The following MTCL1 variants were observed in gnomAD, a reference collection of about 807,000 sequenced individuals.
MTCL1 encodes the protein microtubule crosslinking factor 1.
In MTCL1, 79 loss-of-function variants were observed where a neutral mutation model predicts 141.4. The observed-to-expected ratio is 0.56, with a 90% CI of 0.47 to 0.67. The LOEUF (loss-of-function observed/expected upper bound fraction) is 0.67, where lower values mean the gene tolerates loss of function less well. MTCL1 is among the 30% of genes least tolerant of loss of function. MTCL1 has a pLI of 0.00. For missense variants in MTCL1, 2,177 were observed against 2,113.9 expected (o/e 1.03, Z -0.59); for synonymous variants, 914 against 875.8 (o/e 1.04, Z -0.77).
At chr18:8,791,837 G>T (rs377225380) in intron 7 of MTCL1, among the ~76,000 whole-genome samples, 8 of 152,250 alleles carry the variant, frequency 5.3e-5, no homozygotes, top group Admixed American at 2.6e-4. Context: ...TGAGTTTTTT[G>T]AAAATAAGAT....
exon 3 of MTCL1, chr18:8,718,506 T>G (rs1419338428): frequency 6.2e-7 from 1 of 1,614,126 alleles, no homozygotes; most frequent in Non-Finnish European, 8.5e-7. Context: ...CTGCAGGAAC[T>G]TCGGCGAGAA....
intron 13 of MTCL1, among the ~76,000 whole-genome samples, chr18:8,820,885 A>G (rs535367862): frequency 1.7e-4 from 26 of 152,306 alleles, no homozygotes; most frequent in African/African-American, 5.8e-4. Flanking sequence ...CCTCGTGTTT[A>G]TGCCGTTCTC....
At chr18:8,736,584 GAA>G (rs1048423351) in intron 4 of MTCL1, among the ~76,000 whole-genome samples, 1 of 151,136 alleles carries the variant, frequency 6.6e-6, no homozygotes, top group African/African-American at 2.4e-5. Flanking sequence ...CAGTAATGTT[GAA>G]AAGTTATACC....
chr18:8,778,661 G>C (rs2096521602), intron 5 of MTCL1, among the ~76,000 whole-genome samples: 1 of 152,198 alleles, frequency 6.6e-6, no homozygotes, highest in Admixed American at 6.5e-5. Context: ...CATTCAAGGG[G>C]GGGCAGGCCC....
At chr18:8,825,015 A>G in exon 15 of MTCL1, 2 of 1,613,160 alleles carry the variant, frequency 1.2e-6, no homozygotes, top group Non-Finnish European at 1.7e-6. Context: ...GGACACCATG[A>G]CCAGCCCAGA....
intron 7 of MTCL1, among the ~76,000 whole-genome samples, chr18:8,787,953 CT>C (rs1354490992): frequency 1.3e-5 from 2 of 152,150 alleles, no homozygotes; most frequent in African/African-American, 4.8e-5. Flanking sequence ...CTCTGACAGC[CT>C]TGTTAGTTTG....
chr18:8,722,057 C>T (rs1440297451), intron 4 of MTCL1, among the ~76,000 whole-genome samples: 4 of 152,208 alleles, frequency 2.6e-5, no homozygotes, highest in Admixed American at 1.3e-4. Flanking sequence ...TGTCTGCTCC[C>T]AGGACTCGAG....
intron 6 of MTCL1, 115 bp from the exon 6 acceptor site, chr18:8,785,821 A>G: frequency 2.3e-6 from 3 of 1,302,952 alleles, no homozygotes; most frequent in South Asian, 1.5e-5. Flanking sequence ...TCCCTTGTCC[A>G]TTTTTGTTTT....
chr18:8,719,851 A>G (rs1407752330), intron 3 of MTCL1, among the ~76,000 whole-genome samples: 1 of 152,042 alleles, frequency 6.6e-6, no homozygotes, highest in Non-Finnish European at 1.5e-5. Flanking sequence ...ATTACAGGCA[A>G]CTTACTTGTT....
intron 4 of MTCL1, among the ~76,000 whole-genome samples, chr18:8,730,608 G>A (rs546818364): frequency 6.6e-6 from 1 of 152,276 alleles, no homozygotes; most frequent in Admixed American, 6.5e-5. Context: ...CAGGCTCCTC[G>A]CTGGGCTTGG....
intron 7 of MTCL1, 118 bp downstream of exon 6, chr18:8,786,209 G>A: frequency 3.5e-6 from 4 of 1,155,686 alleles, no homozygotes; most frequent in Non-Finnish European, 5.0e-6. Flanking sequence ...GGAGGAGGTG[G>A]AACTAGGTGG....
exon 3 of MTCL1, chr18:8,718,592 G>A: frequency 6.2e-7 from 1 of 1,614,002 alleles, no homozygotes; most frequent in East Asian, 2.2e-5. Flanking sequence ...CCTGAAAGTG[G>A]CTGAGACGGG....
chr18:8,766,510 C>T (rs1203907886), intron 4 of MTCL1, among the ~76,000 whole-genome samples: 2 of 152,232 alleles, frequency 1.3e-5, no homozygotes, highest in African/African-American at 4.8e-5. Context: ...CCAGCTCTGG[C>T]AACTGATCCT....
chr18:8,728,485 T>C (rs1341589248), intron 4 of MTCL1, among the ~76,000 whole-genome samples: 2 of 152,184 alleles, frequency 1.3e-5, no homozygotes, highest in Non-Finnish European at 2.9e-5. Context: ...ATGACTCTTA[T>C]ACTTTTCTTT....
chr18:8,743,546 G>A (rs1291652165), intron 4 of MTCL1, among the ~76,000 whole-genome samples: 1 of 152,256 alleles, frequency 6.6e-6, no homozygotes, highest in Non-Finnish European at 1.5e-5. Flanking sequence ...CTGCAAGACT[G>A]TGTTCCTTCT....
rs775083563 is a variant in MTCL1 at position 8,825,263 on chromosome 18, G to A, written c.3753G>A (p.Glu1251=). The change falls in exon 15 of 17, where the codon GAG becomes GAA. Residue 1251 remains glutamate (E), a synonymous_variant. Transcript: ENST00000359865. Reference sequence around the variant, plus strand: ...CCAGGCACTCCCGGGACTATGTGGAGGGGGCACGGCGCCCCCTTGATAGTC... The same window carrying A: ...CCAGGCACTCCCGGGACTATGTGGAAGGGGCACGGCGCCCCCTTGATAGTC... The A allele has an allele frequency of 6.3e-6, 10 of 1,585,024 alleles. No individual in the cohort carries two copies. In the East Asian group the frequency reaches 1.3e-4, roughly 21 times the overall value.
chr18:8,736,002 C>T (rs1236059982), intron 4 of MTCL1, among the ~76,000 whole-genome samples: 1 of 152,128 alleles, frequency 6.6e-6, no homozygotes, highest in Admixed American at 6.6e-5. Flanking sequence ...TGCCTACTAT[C>T]ATATATTAAG....
chr18:8,718,240 A>G (rs754437612), intron 2 of MTCL1, among the ~76,000 whole-genome samples, 184 bp from the exon 2 acceptor site: 4 of 152,220 alleles, frequency 2.6e-5, no homozygotes, highest in Admixed American at 6.5e-5. Flanking sequence ...CAGATACTCA[A>G]TTATATTATC....
At chr18:8,826,359 G>A in intron 15 of MTCL1, 127 bp downstream of exon 14, 1 of 951,512 alleles carries the variant, frequency 1.1e-6, no homozygotes, top group Non-Finnish European at 1.5e-6. Flanking sequence ...GTTATTGGGA[G>A]CTGGGGAGGT....
Sources: gnomAD v4.1 joint callset for allele counts (sites outside exome capture counted in the v4.1 genomes callset) on GRCh38, gnomAD v4.1.1 for gene constraint, MANE v1.5 for transcripts, NCBI Gene and HGNC (gene_info 2026-07-23, HGNC 2026-07-21) for gene names.